The following GRIK5 variants were observed in gnomAD, a reference collection of about 807,000 sequenced individuals.
GRIK5 encodes the protein glutamate receptor ionotropic, kainate 5.
GRIK5 carries 43 observed loss-of-function variants against 97.4 expected under a neutral mutation model. The ratio of observed to expected loss-of-function variants is 0.44; its 90% CI spans 0.35 to 0.57. The LOEUF is 0.57. Among genes scored for constraint, GRIK5 ranks in the 20% least tolerant of loss-of-function variants. The pLI is 0.01. For synonymous variants in GRIK5, 580 were observed against 583.5 expected (o/e 0.99, Z 0.09); for missense variants, 1,015 against 1,382.0 (o/e 0.73, Z 4.21).
At position 42,067,612 on chromosome 19, in the gene GRIK5, G is replaced by A. The variant is rs531301149; in HGVS notation, c.-51+1629C>T. ...TCCTGGGGCAAATCAGGGAGCAGAG[G>A]ACAAAGGACAGAAAGACCGAGGGAG... On this transcript the variant is annotated intron_variant, in intron 1 of 19. Coordinates refer to ENST00000593562, the MANE Select transcript of GRIK5 (RefSeq NM_002088.5). 3.9e-5 allele frequency among the ~76,000 whole-genome samples: 6 copies of A among 152,232 alleles called. No homozygotes were observed. The South Asian group carries it at 8.3e-4, about 21-fold the overall frequency.
At position 42,021,847 on chromosome 19, in the gene GRIK5, AG is replaced by A. The variant is rs2075701869; in HGVS notation, c.1697+99del. On this transcript the variant is annotated intron_variant, in intron 14 of 19. Transcript: ENST00000593562. The surrounding 1 kb of genome is among the most constrained non-coding windows in gnomAD (Gnocchi z 4.2). The stretch of plus-strand genomic sequence containing the variant: ...CAGGGAATCCGAGGCCCCAAAGGGG[AG>A]GCCAAGGACAGTTCCGAGAGAGAAG... The A allele has an allele frequency of 2.8e-6, 2 of 715,132 alleles. No individual in the cohort carries two copies. Among genetic ancestry groups the A allele is most frequent in the Non-Finnish European group, 4.8e-6 (2 of 416,572 alleles). 44.3% of individuals were successfully genotyped at this position (715,132 alleles called of 1,614,324 possible).
rs774470451 is a variant in GRIK5, at chr19:42,054,473, C to T, written c.904-1G>A. The T allele has an allele frequency of 6.2e-7, 1 of 1,612,240 alleles. No individual in the cohort carries two copies. The highest frequency in any genetic ancestry group is 8.5e-7 in the Non-Finnish European group (1 of 1,179,808). On this transcript the variant is annotated splice_acceptor_variant, in intron 8 of 19. Coordinates refer to ENST00000593562, the MANE Select transcript of GRIK5 (RefSeq NM_002088.5). LOFTEE classifies it high-confidence loss of function. The stretch of plus-strand genomic sequence containing the variant: ...CGTCAAACATCAGGGCGGCTGACAG[C>T]TGCGGTGGGACAGAGGCGGGGGTGG...
At chr19:42,037,407 C>T (rs992601059) in intron 12 of GRIK5, among the ~76,000 whole-genome samples, 3 of 152,100 alleles carry the variant, frequency 2.0e-5, no homozygotes, top group African/African-American at 7.2e-5. Flanking sequence ...TGCAGTGAGC[C>T]GAGATCACGC....
chr19:42,011,422 G>A (rs779481135), intron 15 of GRIK5, among the ~76,000 whole-genome samples: 11 of 151,848 alleles, frequency 7.2e-5, no homozygotes, highest in Admixed American at 3.3e-4. Context: ...GCGTGGTAGC[G>A]GGCGCCTGTG....
chr19:42,049,441 A>G (rs2076084490), intron 11 of GRIK5, among the ~76,000 whole-genome samples: 1 of 152,202 alleles, frequency 6.6e-6, no homozygotes, highest in South Asian at 2.1e-4. Flanking sequence ...ATTGCAGTAC[A>G]TTCAACATAC....
intron 12 of GRIK5, among the ~76,000 whole-genome samples, chr19:42,024,994 T>C (rs546281030): frequency 3.9e-5 from 6 of 152,310 alleles, no homozygotes; most frequent in African/African-American, 1.4e-4. Context: ...ATGTCATGTG[T>C]TTCTGGCACT....
chr19:42,059,183 G>A (rs1362692730), intron 6 of GRIK5, among the ~76,000 whole-genome samples, 166 bp downstream of exon 6: 2 of 152,176 alleles, frequency 1.3e-5, no homozygotes, highest in Admixed American at 1.3e-4. Flanking sequence ...ACACAACCAG[G>A]AAGCAGGCAG....
chr19:42,063,564 G>A lies in GRIK5; in HGVS notation c.245-709C>T, dbSNP rs530866394. On this transcript the variant is annotated intron_variant, in intron 3 of 19. Coordinates refer to ENST00000593562, the MANE Select transcript of GRIK5 (RefSeq NM_002088.5). The stretch of plus-strand genomic sequence containing the variant: ...ACATATGGGTGCAAATCAGACCATG[G>A]AGCACCTTCCCCAGGTCTTTTGCTA... 169 of 326,940 alleles carry A rather than the reference G, an allele frequency of 5.2e-4. 2 individuals carry two copies. The highest frequency in any genetic ancestry group is 4.5e-3 in the Middle Eastern group (4 of 884). The allele number at this position is 326,940 out of a possible 1,614,324, so 20.3% of individuals were successfully genotyped here.
chr19:42,023,949 G>A (rs1212694473), intron 12 of GRIK5, among the ~76,000 whole-genome samples: 2 of 152,210 alleles, frequency 1.3e-5, no homozygotes, highest in Non-Finnish European at 2.9e-5. Context: ...ATGGCCAAGA[G>A]GCCCTGGCGA....
intron 9 of GRIK5, 56 bp downstream of exon 9, chr19:42,054,263 GC>G: frequency 6.4e-7 from 1 of 1,551,580 alleles, no homozygotes; most frequent in Non-Finnish European, 8.7e-7. Context: ...CACAGTGAGC[GC>G]TCCCACCTGA....
chr19:42,015,663 G>A (rs988416341), intron 15 of GRIK5, among the ~76,000 whole-genome samples: 2 of 152,206 alleles, frequency 1.3e-5, no homozygotes, highest in Non-Finnish European at 2.9e-5. Context: ...CAAGTGCTAT[G>A]CAAGTGTTTT....
At chr19:42,037,156 T>C (rs1344861638) in intron 12 of GRIK5, among the ~76,000 whole-genome samples, 1 of 152,226 alleles carries the variant, frequency 6.6e-6, no homozygotes, top group African/African-American at 2.4e-5. Flanking sequence ...TGCGCTCTCA[T>C]TTAATTGCCT....
At chr19:42,013,973 G>C (rs2075596255) in intron 15 of GRIK5, among the ~76,000 whole-genome samples, 1 of 145,778 alleles carries the variant, frequency 6.9e-6, no homozygotes, top group African/African-American at 2.6e-5. Context: ...AGGCTGCAGT[G>C]ACCTGTGATC....
In GRIK5 at chr19:42,002,432, A is replaced by G. The variant is rs2075433831; in HGVS notation, c.2514+900T>C. The G allele has an allele frequency of 1.4e-6, 1 of 717,706 alleles. No homozygotes were observed. Among genetic ancestry groups the G allele is most frequent in the Non-Finnish European group, 2.6e-6 (1 of 385,110 alleles). The allele number at this position is 717,706 out of a possible 1,614,324, so 44.5% of individuals were successfully genotyped here. A position where few individuals can be genotyped will look rare whatever the true frequency, so the allele number is the denominator to read the frequency against. On this transcript the variant is annotated intron_variant, in intron 19 of 19. Transcript: ENST00000593562. This position sits in a 1 kb window ranked among gnomAD's most constrained non-coding sequence, Gnocchi z 5.2. Reference sequence around the variant, plus strand: ...ACTTGCCGGAGGGATGTCCTTGAGAAGGCAACCTGGACACGGGTGGAGGGC... The same window carrying G: ...ACTTGCCGGAGGGATGTCCTTGAGAGGGCAACCTGGACACGGGTGGAGGGC...
At chr19:42,045,297 G>A (rs2076029865) in intron 11 of GRIK5, among the ~76,000 whole-genome samples, 1 of 152,200 alleles carries the variant, frequency 6.6e-6, no homozygotes, top group African/African-American at 2.4e-5. Flanking sequence ...GTGAATTCCA[G>A]AGTCTCAGCC....
chr19:42,034,886 C>CA, intron 12 of GRIK5, among the ~76,000 whole-genome samples: 1 of 152,114 alleles, frequency 6.6e-6, no homozygotes, highest in Non-Finnish European at 1.5e-5. Flanking sequence ...GGACAAGGAG[C>CA]ACCTCTGCTC....
rs2076325442 is a variant in GRIK5, at chr19:42,065,925, T to C, written c.-50-105A>G. ...GTCACAGAAGCCTTGGGGACATTGT[T>C]GGCAAGCAGTTCACAGCTCTGCAGA... On this transcript the variant is annotated intron_variant, in intron 1 of 19. Transcript: ENST00000593562. This position sits in a 1 kb window ranked among gnomAD's most constrained non-coding sequence, Gnocchi z 5.8. 2 of 638,840 alleles carry C rather than the reference T, an allele frequency of 3.1e-6. No homozygotes were observed. Among genetic ancestry groups the C allele is most frequent in the Non-Finnish European group, 5.6e-6 (2 of 356,006 alleles). The allele number at this position is 638,840 out of a possible 1,614,324, so 39.6% of individuals were successfully genotyped here. A position where few individuals can be genotyped will look rare whatever the true frequency, so the allele number is the denominator to read the frequency against.
Position 42,006,523 on chromosome 19 carries a change from G to A in GRIK5, c.2037+122C>T. The A allele has an allele frequency of 4.8e-6, 4 of 836,960 alleles. No homozygotes were observed. The highest frequency in any genetic ancestry group is 7.6e-6 in the Non-Finnish European group (4 of 525,348). 51.8% of individuals were successfully genotyped at this position (836,960 alleles called of 1,614,324 possible). ...GCACATGTGTGTTTTCTGCTCCCCA[G>A]CCTCCAGGCTGTCACTGACAATCAG... On this transcript the variant is annotated intron_variant, in intron 16 of 19. Coordinates refer to ENST00000593562, the MANE Select transcript of GRIK5 (RefSeq NM_002088.5). This position sits in a 1 kb window ranked among gnomAD's most constrained non-coding sequence, Gnocchi z 5.3.
intron 11 of GRIK5, among the ~76,000 whole-genome samples, chr19:42,045,381 A>T (rs949975609): frequency 2.6e-5 from 4 of 152,230 alleles, no homozygotes; most frequent in Non-Finnish European, 4.4e-5. Flanking sequence ...ATGCCAGCCA[A>T]CAGCCAGCAT....
Sources: allele counts gnomAD v4.1 joint callset (sites outside exome capture counted in the v4.1 genomes callset), GRCh38; gene constraint gnomAD v4.1.1; non-coding constraint Gnocchi (gnomAD v3.1); transcripts MANE v1.5; gene names NCBI Gene and HGNC (gene_info 2026-07-23, HGNC 2026-07-21).